The following PTPRK variants were observed in gnomAD, a reference collection of about 807,000 sequenced individuals.
The protein encoded by PTPRK is receptor-type tyrosine-protein phosphatase kappa.
A neutral mutation model predicts 178.0 loss-of-function variants in PTPRK; 75 were observed. The ratio of observed to expected loss-of-function variants is 0.42; its 90% CI spans 0.35 to 0.51. PTPRK has a LOEUF of 0.51. Ranked by LOEUF, PTPRK falls within the 20% of genes least tolerant of loss-of-function variation. The pLI, the probability that PTPRK is intolerant of heterozygous loss-of-function variation, is 0.02. For missense variants in PTPRK, 1,441 were observed against 1,797.8 expected (o/e 0.80, Z 3.59); for synonymous variants, 637 against 620.6 (o/e 1.03, Z -0.39).
intron 3 of PTPRK, among the ~76,000 whole-genome samples, chr6:128,267,514 G>A (rs914595582): frequency 1.3e-5 from 2 of 151,966 alleles, no homozygotes; most frequent in African/African-American, 2.4e-5. Flanking sequence ...ATTTTAACTG[G>A]ATTTGATCCT....
At chr6:128,064,910 C>T in intron 12 of PTPRK, 116 bp from the exon 13 acceptor site, 1 of 1,177,262 alleles carries the variant, frequency 8.5e-7, no homozygotes, top group Non-Finnish European at 1.1e-6. Flanking sequence ...TTATAAACAA[C>T]AGAATTTTAA....
chr6:128,147,420 C>A (rs977543736), intron 7 of PTPRK, among the ~76,000 whole-genome samples: 13 of 151,862 alleles, frequency 8.6e-5, no homozygotes, highest in African/African-American at 3.1e-4. Context: ...CAGGATAGAC[C>A]ATCAGATTTT....
chr6:128,298,151 G>GAC (rs1297406535), intron 3 of PTPRK, among the ~76,000 whole-genome samples: 1 of 151,978 alleles, frequency 6.6e-6, no homozygotes, highest in Admixed American at 6.6e-5. Flanking sequence ...TAAATTCCTT[G>GAC]ACACACACTC....
intron 5 of PTPRK, among the ~76,000 whole-genome samples, chr6:128,231,638 T>G (rs1169515859): frequency 6.6e-6 from 1 of 152,192 alleles, no homozygotes; most frequent in Non-Finnish European, 1.5e-5. Flanking sequence ...CTTGGTAAAC[T>G]TTTATTAAAG....
intron 6 of PTPRK, among the ~76,000 whole-genome samples, chr6:128,199,590 A>AGGGAGGGAGGGAAAGGGTAGG (rs1805538526): frequency 1.7e-5 from 1 of 58,268 alleles, no homozygotes; most frequent in Non-Finnish European, 3.3e-5. Flanking sequence ...GGAGGGAGGG[A>AGGGAGGGAGGGAAAGGGTAGG]GGGAGGGAGG....
chr6:128,355,435 C>T (rs529395810), intron 2 of PTPRK, among the ~76,000 whole-genome samples: 1 of 152,002 alleles, frequency 6.6e-6, no homozygotes, highest in Non-Finnish European at 1.5e-5. Flanking sequence ...ATTTTTTGTG[C>T]CTTTAACACA....
intron 1 of PTPRK, among the ~76,000 whole-genome samples, chr6:128,476,760 T>C (rs898224987): frequency 1.3e-5 from 2 of 151,990 alleles, no homozygotes; most frequent in African/African-American, 4.8e-5. Flanking sequence ...TTCATAGTTT[T>C]CAGGTTTAGC....
chr6:127,999,841 A>G (rs1562408917), intron 15 of PTPRK: 1 of 473,114 alleles, frequency 2.1e-6, no homozygotes, highest in Non-Finnish European at 2.8e-6. Context: ...AAATATTCCA[A>G]TGAATGAATT....
chr6:128,062,249 T>G (rs778724324), intron 13 of PTPRK: 5 of 166,644 alleles, frequency 3.0e-5, no homozygotes, highest in Non-Finnish European at 7.3e-5. Flanking sequence ...TCTCACTCTG[T>G]CACCCAGGCT....
intron 1 of PTPRK, among the ~76,000 whole-genome samples, chr6:128,505,863 C>G (rs1856257569): frequency 6.6e-6 from 1 of 152,174 alleles, no homozygotes; most frequent in African/African-American, 2.4e-5. Flanking sequence ...AAAACTTTAG[C>G]CAGACCTTTC....
chr6:128,208,414 T>C (rs559088967), intron 6 of PTPRK, among the ~76,000 whole-genome samples: 15 of 152,106 alleles, frequency 9.9e-5, no homozygotes, highest in Admixed American at 2.0e-4. Flanking sequence ...TAGAGAAGCC[T>C]GTAGAGAGTT....
At chr6:128,323,783 T>C (rs1450121424) in intron 2 of PTPRK, among the ~76,000 whole-genome samples, 1 of 152,142 alleles carries the variant, frequency 6.6e-6, no homozygotes, top group Non-Finnish European at 1.5e-5. Context: ...CTGATATTAT[T>C]GTTCACTTCT....
At chr6:128,373,406 A>G (rs1370086853) in intron 2 of PTPRK, among the ~76,000 whole-genome samples, 1 of 152,216 alleles carries the variant, frequency 6.6e-6, no homozygotes, top group African/African-American at 2.4e-5. Context: ...CTTCCATTAC[A>G]TTGATGTTTA....
intron 16 of PTPRK, among the ~76,000 whole-genome samples, chr6:127,997,320 C>T (rs1352273299): frequency 6.6e-6 from 1 of 152,014 alleles, no homozygotes; most frequent in Non-Finnish European, 1.5e-5. Flanking sequence ...GATAATGCAT[C>T]AAAACTGCAA....
At chr6:128,025,317 G>T (rs1313732285) in intron 13 of PTPRK, among the ~76,000 whole-genome samples, 2 of 152,170 alleles carry the variant, frequency 1.3e-5, no homozygotes, top group African/African-American at 4.8e-5. Context: ...GTTATATGAA[G>T]ATTATTTCAG....
At chr6:127,995,649 A>T (rs1777068666) in intron 17 of PTPRK, 111 bp from the exon 18 acceptor site, 1 of 606,422 alleles carries the variant, frequency 1.6e-6, no homozygotes, top group African/African-American at 1.9e-5. Context: ...TATCCATAGT[A>T]TACTACTACC....
At position 128,049,954 on chromosome 6, in the gene PTPRK, C is replaced by T. The variant is rs13204792; in HGVS notation, c.2194+14804G>A. 5.5e-3 allele frequency among the ~76,000 whole-genome samples: 844 copies of T among 152,138 alleles called. 5 individuals carry two copies. The highest frequency in any genetic ancestry group is 9.9e-3 in the Non-Finnish European group (672 of 67,998). On this transcript the variant is annotated intron_variant, in intron 13 of 29. Coordinates refer to ENST00000368226, the MANE Select transcript of PTPRK (RefSeq NM_002844.4). ...GAGTTCAAGACCAGCCTGACCAACC[C>T]GGAGAAACGCCATCTCTACTAAAAA... is the stretch of plus-strand genomic sequence containing the variant.
chr6:128,315,701 G>A (rs1023038605), intron 3 of PTPRK, among the ~76,000 whole-genome samples: 18 of 152,248 alleles, frequency 1.2e-4, no homozygotes, highest in Admixed American at 1.0e-3. Flanking sequence ...GACTACAAAT[G>A]TCTGACATTT....
chr6:127,980,836 ATAAT>A (rs10581356), intron 25 of PTPRK, among the ~76,000 whole-genome samples: 33,316 of 152,008 alleles, frequency 0.22, 4,606 homozygotes, highest in Admixed American at 0.31. Context: ...TTTTCTGAAA[ATAAT>A]TAAGATGAAA....
Sources: allele counts gnomAD v4.1 joint callset (sites outside exome capture counted in the v4.1 genomes callset), GRCh38; gene constraint gnomAD v4.1.1; transcripts MANE v1.5; gene names NCBI Gene and HGNC (gene_info 2026-07-23, HGNC 2026-07-21).